The following AAK1 variants were observed in gnomAD, a reference collection of about 807,000 sequenced individuals.
AAK1 encodes AP2 associated kinase 1.
Under a neutral mutation model 116.0 loss-of-function variants are expected in AAK1, and 37 were observed. The observed-to-expected ratio is 0.32, with a 90% CI of 0.25 to 0.42. The LOEUF (loss-of-function observed/expected upper bound fraction) is 0.42. AAK1 is among the 10% of genes least tolerant of loss of function. AAK1 has a pLI of 1.00. For missense variants in AAK1, 919 were observed against 1,170.6 expected, an observed-to-expected ratio of 0.79 and a Z score of 3.14; for synonymous variants, 458 against 439.9, an observed-to-expected ratio of 1.04 and a Z score of -0.51.
chr2:69,467,485 C>T lies in AAK1; in HGVS notation c.*8384G>A, dbSNP rs1674527708. 1.0e-6 allele frequency: 1 copy of T among 985,224 alleles called. No individual in the cohort carries two copies. The highest frequency in any genetic ancestry group is 1.7e-5 in the African/African-American group (1 of 57,212). 61.0% of individuals were successfully genotyped at this position (985,224 alleles called of 1,614,324 possible). A position where few individuals can be genotyped will look rare whatever the true frequency, so the allele number is the denominator to read the frequency against. On this transcript the variant is annotated 3_prime_UTR_variant, in exon 22 of 22. Transcript: ENST00000409085. Reference sequence around the variant, plus strand: ...TGTTAGCAAGAGGGCAGGAAAAAGGCATATGTAACTAAGCAAGAAGAATCC... The same window carrying T: ...TGTTAGCAAGAGGGCAGGAAAAAGGTATATGTAACTAAGCAAGAAGAATCC...
chr2:69,493,158 CAAAA>C lies in AAK1; in HGVS notation c.2365+2823_2365+2826del, dbSNP rs574490585. The stretch of plus-strand genomic sequence containing the variant: ...TGGGCGACAGAGCGAGACTCCGTCT[CAAAA>C]AAAAAAAAAAAAAAAGGATGCAGTG... On this transcript the variant is annotated intron_variant, in intron 17 of 21. Transcript: ENST00000409085. 1.2e-3 allele frequency among the ~76,000 whole-genome samples: 46 copies of C among 37,566 alleles called. 1 individual carries two copies. Among genetic ancestry groups the C allele is most frequent in the Middle Eastern group, 0.012 (1 of 86 alleles). 24.6% of individuals were successfully genotyped at this position (37,566 alleles called of 152,430 possible). A position where few individuals can be genotyped will look rare whatever the true frequency, so the allele number is the denominator to read the frequency against.
intron 2 of AAK1, among the ~76,000 whole-genome samples, chr2:69,564,702 C>T (rs1016583347): frequency 1.3e-5 from 2 of 152,144 alleles, no homozygotes; most frequent in African/African-American, 2.4e-5. Context: ...CTGAGGCTGT[C>T]CTCTTACCTG....
Position 69,475,258 on chromosome 2 carries a change from T to C in AAK1, c.*611A>G, listed in dbSNP as rs1025014794. The C allele has an allele frequency of 3.0e-6, 3 of 985,856 alleles. No homozygotes were observed. Among genetic ancestry groups the C allele is most frequent in the Non-Finnish European group, 3.6e-6 (3 of 829,996 alleles). 61.1% of individuals were successfully genotyped at this position (985,856 alleles called of 1,614,324 possible). Reference sequence around the variant, plus strand: ...TGGCTAAGTCTATGATCAAACAAGGTCAAAGTTGGTTGGCTAGAGCTGGGC... The same window carrying C: ...TGGCTAAGTCTATGATCAAACAAGGCCAAAGTTGGTTGGCTAGAGCTGGGC... On this transcript the variant is annotated 3_prime_UTR_variant, in exon 22 of 22. Transcript: ENST00000409085.
chr2:69,571,629 C>T (rs919697062), intron 2 of AAK1, among the ~76,000 whole-genome samples: 1 of 152,056 alleles, frequency 6.6e-6, no homozygotes, highest in African/African-American at 2.4e-5. Flanking sequence ...ATAGAAACTA[C>T]CCAGAACAGA....
At chr2:69,583,685 C>G (rs946673639) in intron 2 of AAK1, among the ~76,000 whole-genome samples, 1 of 152,218 alleles carries the variant, frequency 6.6e-6, no homozygotes, top group Non-Finnish European at 1.5e-5. Context: ...GACTCACTCT[C>G]TTCACCTGCC....
intron 18 of AAK1, chr2:69,482,390 A>G (rs966202769): frequency 1.8e-6 from 1 of 543,100 alleles, no homozygotes; most frequent in Admixed American, 3.6e-5. Flanking sequence ...GCTAAATTTC[A>G]TTAAGTTCAG....
intron 12 of AAK1, among the ~76,000 whole-genome samples, chr2:69,518,732 G>A (rs1415947326): frequency 1.3e-5 from 2 of 152,164 alleles, no homozygotes; most frequent in African/African-American, 4.8e-5. Flanking sequence ...AATAGCTCTT[G>A]TACTGATGTT....
At chr2:69,581,181 T>G (rs915690127) in intron 2 of AAK1, among the ~76,000 whole-genome samples, 1 of 152,292 alleles carries the variant, frequency 6.6e-6, no homozygotes, top group African/African-American at 2.4e-5. Context: ...TGGCACGATC[T>G]CGGCTCACTG....
Position 69,471,791 on chromosome 2 carries a change from C to T in AAK1, c.*4078G>A. 1 of 985,490 alleles carries T rather than the reference C, an allele frequency of 1.0e-6. No homozygotes were observed. The highest frequency in any genetic ancestry group is 5.2e-4 in the Middle Eastern group (1 of 1,914). The allele number at this position is 985,490 out of a possible 1,614,324, so 61.0% of individuals were successfully genotyped here. ...AGCCCCAAAGATCCCTTCATTCCCA[C>T]AGCACTGCTGAAGGCAGAACTGTTC... On this transcript the variant is annotated 3_prime_UTR_variant, in exon 22 of 22. Coordinates refer to ENST00000409085, the MANE Select transcript of AAK1 (RefSeq NM_014911.5).
intron 2 of AAK1, among the ~76,000 whole-genome samples, chr2:69,629,437 TC>T (rs548415878): frequency 4.5e-4 from 69 of 152,364 alleles, no homozygotes; most frequent in African/African-American, 1.6e-3. Context: ...ACTTTTGAGA[TC>T]AATGGTACCA....
chr2:69,465,695 C>G lies in AAK1; in HGVS notation c.*10174G>C. ...GGCCTGAGACAGCTTCTTTCTGGAGCTGAGGTCCTTTGTTTCTGTCATTAG... is the reference window on the plus strand; with the variant it reads ...GGCCTGAGACAGCTTCTTTCTGGAGGTGAGGTCCTTTGTTTCTGTCATTAG... On this transcript the variant is annotated 3_prime_UTR_variant, in exon 22 of 22. Coordinates refer to ENST00000409085, the MANE Select transcript of AAK1 (RefSeq NM_014911.5). The G allele has an allele frequency of 3.1e-6, 4 of 1,290,916 alleles. No individual in the cohort carries two copies. Among genetic ancestry groups the G allele is most frequent in the Non-Finnish European group, 4.0e-6 (4 of 988,884 alleles). The allele number at this position is 1,290,916 out of a possible 1,614,324, so 80.0% of individuals were successfully genotyped here. A position where few individuals can be genotyped will look rare whatever the true frequency, so the allele number is the denominator to read the frequency against.
At chr2:69,551,911 GT>G (rs1255451415) in intron 3 of AAK1, among the ~76,000 whole-genome samples, 1 of 152,214 alleles carries the variant, frequency 6.6e-6, no homozygotes, top group African/African-American at 2.4e-5. Flanking sequence ...TTCTCTTTGC[GT>G]TTGGATGCAA....
chr2:69,524,219 G>A (rs544716248), intron 10 of AAK1, among the ~76,000 whole-genome samples: 1 of 152,252 alleles, frequency 6.6e-6, no homozygotes, highest in South Asian at 2.1e-4. Context: ...CTAACCAAAA[G>A]TCAGGACACA....
chr2:69,507,136 A>ACACACACCTTTT (rs1356793323), intron 15 of AAK1, among the ~76,000 whole-genome samples: 1 of 152,186 alleles, frequency 6.6e-6, no homozygotes, highest in Admixed American at 6.5e-5. Context: ...GTTATCCTGG[A>ACACACACCTTTT]CTATGTCACA....
chr2:69,531,490 G>T, intron 6 of AAK1: 2 of 742,498 alleles, frequency 2.7e-6, no homozygotes, highest in African/African-American at 1.9e-5. Context: ...CAACATTGTG[G>T]ACATGAGGAG....
Position 69,474,363 on chromosome 2 carries a change from C to A in AAK1, c.*1506G>T, listed in dbSNP as rs1674777400. 1.0e-6 allele frequency: 1 copy of A among 985,668 alleles called. No homozygotes were observed. The highest frequency in any genetic ancestry group is 1.2e-6 in the Non-Finnish European group (1 of 829,926). 61.1% of individuals were successfully genotyped at this position (985,668 alleles called of 1,614,324 possible). A position where few individuals can be genotyped will look rare whatever the true frequency, so the allele number is the denominator to read the frequency against. ...GGAGTGGGGTTCTCTGTGCCCACTT[C>A]TTTTCAAAAGGGTGATTTTATAAAA... is the stretch of plus-strand genomic sequence containing the variant. On this transcript the variant is annotated 3_prime_UTR_variant, in exon 22 of 22. Coordinates refer to ENST00000409085, the MANE Select transcript of AAK1 (RefSeq NM_014911.5).
intron 11 of AAK1, among the ~76,000 whole-genome samples, chr2:69,519,708 T>C (rs1669677928): frequency 6.6e-6 from 1 of 152,226 alleles, no homozygotes; most frequent in Admixed American, 6.5e-5. Context: ...AGGGTTCAGT[T>C]ACTCGATATT....
At chr2:69,634,337 A>G (rs1675355364) in intron 2 of AAK1, among the ~76,000 whole-genome samples, 1 of 152,222 alleles carries the variant, frequency 6.6e-6, no homozygotes, top group African/African-American at 2.4e-5. Flanking sequence ...AACCAATGTC[A>G]GCCACTGCTT....
rs749407529 is a variant in AAK1 at position 69,520,900 on chromosome 2, G to A, written c.1144C>T (p.Leu382Phe). ...AGQTQPNPGI[L>F]PIQPALTPRK... ...GGTGTCAGCGCTGGCTGGATGGGAAGGATTCCTGGGTTCGGCTGAGTCTGC... is the reference window on the plus strand; with the variant it reads ...GGTGTCAGCGCTGGCTGGATGGGAAAGATTCCTGGGTTCGGCTGAGTCTGC... Residue 382 changes from leucine to phenylalanine, a missense_variant, in exon 11 of 22, where the codon CTT (leucine) becomes TTT (phenylalanine). Leu to Phe is a conservative substitution (Grantham distance 22, BLOSUM62 0). Transcript: ENST00000409085. 4 of 1,609,014 alleles carry A rather than the reference G, an allele frequency of 2.5e-6. No homozygotes were observed. In the Admixed American group the frequency reaches 6.7e-5, roughly 27 times the overall value.
Sources: allele counts gnomAD v4.1 joint callset (sites outside exome capture counted in the v4.1 genomes callset), GRCh38; gene constraint gnomAD v4.1.1; transcripts MANE v1.5; gene names NCBI Gene and HGNC (gene_info 2026-07-23, HGNC 2026-07-21).